The following MEGF10 variants were observed in gnomAD, a reference collection of about 807,000 sequenced individuals.
MEGF10 encodes multiple EGF like domains 10, also known as multiple epidermal growth factor-like domains protein 10.
A neutral mutation model predicts 147.5 loss-of-function variants in MEGF10; 86 were observed. The observed-to-expected ratio is 0.58, with a 90% CI of 0.49 to 0.70. MEGF10 has a LOEUF of 0.70. Ranked by LOEUF, MEGF10 falls within the 30% of genes least tolerant of loss-of-function variation. The probability of loss-of-function intolerance (pLI) is 0.00; values close to 1 mark genes in which losing one functional copy is unlikely to be tolerated. For missense variants in MEGF10, 1,329 were observed against 1,487.3 expected (o/e 0.89, Z 1.75); for synonymous variants, 478 against 525.5 (o/e 0.91, Z 1.24).
chr5:127,404,689 T>A (rs1003756306), intron 8 of MEGF10, among the ~76,000 whole-genome samples: 2 of 152,032 alleles, frequency 1.3e-5, no homozygotes, highest in Non-Finnish European at 2.9e-5. Context: ...TTATTTGGAA[T>A]CTAGGTTTAG....
intron 19 of MEGF10, among the ~76,000 whole-genome samples, chr5:127,443,496 A>G (rs1561650547): frequency 1.3e-5 from 2 of 152,142 alleles, no homozygotes; most frequent in African/African-American, 2.4e-5. Flanking sequence ...AATGTGTACA[A>G]TTTAATAAAA....
chr5:127,292,178 G>T (rs1430602504), intron 1 of MEGF10, among the ~76,000 whole-genome samples: 1 of 152,176 alleles, frequency 6.6e-6, no homozygotes, highest in East Asian at 1.9e-4. Flanking sequence ...TTTTACCACT[G>T]AGAGTTCAAA....
At chr5:127,380,946 C>T (rs1039011869) in intron 5 of MEGF10, among the ~76,000 whole-genome samples, 26 of 152,030 alleles carry the variant, frequency 1.7e-4, no homozygotes, top group Non-Finnish European at 3.2e-4. Flanking sequence ...ATGTGTGTCT[C>T]GGAGTTCTTC....
At chr5:127,414,376 A>G (rs1183250570) in intron 9 of MEGF10, among the ~76,000 whole-genome samples, 1 of 151,878 alleles carries the variant, frequency 6.6e-6, no homozygotes, top group Non-Finnish European at 1.5e-5. Flanking sequence ...ACCATCTAGG[A>G]TGGCTGTGAG....
At chr5:127,385,921 G>T in intron 5 of MEGF10, among the ~76,000 whole-genome samples, 1 of 152,166 alleles carries the variant, frequency 6.6e-6, no homozygotes. Flanking sequence ...CCTGGGCATC[G>T]TAGTGAGACC....
chr5:127,249,132 G>A, the MEGF10 span, among the ~76,000 whole-genome samples: 12 of 151,962 alleles, frequency 7.9e-5, no homozygotes, highest in East Asian at 3.9e-4. Flanking sequence ...ATAATAATGC[G>A]TTGTGGCTTG....
chr5:127,299,134 T>C (rs887004355), intron 1 of MEGF10, among the ~76,000 whole-genome samples: 1 of 152,192 alleles, frequency 6.6e-6, no homozygotes, highest in Non-Finnish European at 1.5e-5. Flanking sequence ...GCAGGACTTA[T>C]CTGATTGCAG....
rs189044210 is a variant in MEGF10, at chr5:127,454,787, A to G, written c.3025+177A>G. Among the ~76,000 whole-genome samples, 30 of 152,364 alleles carry G rather than the reference A, an allele frequency of 2.0e-4. No individual in the cohort carries two copies. The East Asian group carries it at 5.6e-3, about 28-fold the overall frequency. On this transcript the variant is annotated intron_variant, in intron 23 of 24. Coordinates refer to ENST00000503335, the MANE Select transcript of MEGF10 (RefSeq NM_001256545.2). ...TGACTGACATCAAGAAAGTGACCAGAGGTGGTCCTTGGTAGAGCTTAAGTC... is the reference window on the plus strand; with the variant it reads ...TGACTGACATCAAGAAAGTGACCAGGGGTGGTCCTTGGTAGAGCTTAAGTC...
intron 18 of MEGF10, among the ~76,000 whole-genome samples, chr5:127,441,126 T>C (rs1186186563): frequency 1.3e-5 from 2 of 152,224 alleles, no homozygotes; most frequent in African/African-American, 2.4e-5. Context: ...TCTGTTCTTT[T>C]GGGCTCTCCC....
intron 5 of MEGF10, among the ~76,000 whole-genome samples, chr5:127,384,330 A>T (rs1217882875): frequency 6.6e-6 from 1 of 152,256 alleles, no homozygotes; most frequent in East Asian, 1.9e-4. Flanking sequence ...AGAATAAATG[A>T]TCAACAGAAT....
At chr5:127,360,638 T>G (rs1261343315) in intron 4 of MEGF10, among the ~76,000 whole-genome samples, 1 of 151,934 alleles carries the variant, frequency 6.6e-6, no homozygotes, top group Admixed American at 6.6e-5. Context: ...TTTATCAGGT[T>G]GAGGAAACGC....
Position 127,294,835 on chromosome 5 carries a change from T to TAATAATAATAATAATAAAAAAA in MEGF10, c.-19+3781_-19+3782insTAATAATAATAATAAAAAAAAA, listed in dbSNP as rs56033520. ...ATAATAATAATAATAATAATAATAA[T>TAATAATAATAATAATAAAAAAA]AAATAACTTGGAGTAGAAAAAGGAC... On this transcript the variant is annotated intron_variant, in intron 1 of 24. Coordinates refer to ENST00000503335, the MANE Select transcript of MEGF10 (RefSeq NM_001256545.2). Among the ~76,000 whole-genome samples, 13 of 143,138 alleles carry TAATAATAATAATAATAAAAAAA rather than the reference T, an allele frequency of 9.1e-5. No homozygotes were observed. In the South Asian group the frequency reaches 2.7e-3, roughly 29 times the overall value. 93.9% of individuals were successfully genotyped at this position (143,138 alleles called of 152,430 possible).
chr5:127,265,499 T>A, the MEGF10 span, among the ~76,000 whole-genome samples: 1 of 152,124 alleles, frequency 6.6e-6, no homozygotes, highest in African/African-American at 2.4e-5. Flanking sequence ...TACCACACTG[T>A]CTTCCACAAT....
At chr5:127,417,918 T>C (rs1764838511) in intron 10 of MEGF10, 106 bp downstream of exon 10, 1 of 1,111,516 alleles carries the variant, frequency 9.0e-7, no homozygotes, top group East Asian at 2.7e-5. Context: ...TGTGCTAAAG[T>C]CATCCACATC....
At chr5:127,244,989 A>G in the MEGF10 span, among the ~76,000 whole-genome samples, 1 of 152,216 alleles carries the variant, frequency 6.6e-6, no homozygotes, top group Admixed American at 6.5e-5. Context: ...TTCCATGCTC[A>G]TGGATGGGAA....
At chr5:127,382,811 C>T (rs78500922) in intron 5 of MEGF10, among the ~76,000 whole-genome samples, 2,445 of 152,210 alleles carry the variant, frequency 0.016, 46 homozygotes, top group South Asian at 0.076. Context: ...AATTCAGAGG[C>T]GAGAAACCTG....
chr5:127,299,322 T>C (rs2126710168), intron 1 of MEGF10, among the ~76,000 whole-genome samples: 1 of 152,316 alleles, frequency 6.6e-6, no homozygotes. Context: ...AGATAGCTGT[T>C]TTGAAGCTAA....
rs1344549938 is a variant in MEGF10 at position 127,371,323 on chromosome 5, CAGG to C, written c.412+1327_412+1329del. ...GTTTTGTTTTGCTTCTGTTGGAAAT[CAGG>C]AGGAGAGTGGGCATTTTGTTCACAC... On this transcript the variant is annotated intron_variant, in intron 5 of 24. Transcript: ENST00000503335. Among the ~76,000 whole-genome samples, 5 of 150,852 alleles carry C rather than the reference CAGG, an allele frequency of 3.3e-5. No individual in the cohort carries two copies. In the East Asian group the frequency reaches 9.8e-4, roughly 29 times the overall value.
chr5:127,387,525 G>A (rs1763476883), intron 5 of MEGF10, among the ~76,000 whole-genome samples: 1 of 152,146 alleles, frequency 6.6e-6, no homozygotes, highest in Non-Finnish European at 1.5e-5. Flanking sequence ...TGAAAACCAG[G>A]CAGAAGCAGT....
Sources: allele counts gnomAD v4.1 joint callset (sites outside exome capture counted in the v4.1 genomes callset), GRCh38; gene constraint gnomAD v4.1.1; transcripts MANE v1.5; gene names NCBI Gene and HGNC (gene_info 2026-07-23, HGNC 2026-07-21).